Variants in KYAT3 observed in about 807,000 individuals in gnomAD.
The protein encoded by KYAT3 is kynurenine--oxoglutarate transaminase 3.
KYAT3 carries 50 observed loss-of-function variants against 59.0 expected under a neutral mutation model. That is an observed-to-expected ratio of 0.85 (90% CI 0.68 to 1.07). The LOEUF (loss-of-function observed/expected upper bound fraction) is 1.07. KYAT3 is among the 50% of genes least tolerant of loss of function. KYAT3 has a pLI of 0.00. For synonymous variants in KYAT3, 148 were observed against 177.0 expected (o/e 0.84, Z 1.30); for missense variants, 497 against 533.3 (o/e 0.93, Z 0.67).
chr1:88,936,765 T>C (rs1675054833), intron 13 of KYAT3, among the ~76,000 whole-genome samples: 4 of 152,258 alleles, frequency 2.6e-5, no homozygotes, highest in Admixed American at 6.5e-5. Flanking sequence ...AGGTGATTCA[T>C]ACATATAGCA....
chr1:88,927,557 C>T, the KYAT3 span, among the ~76,000 whole-genome samples: 2 of 151,850 alleles, frequency 1.3e-5, no homozygotes, highest in African/African-American at 4.8e-5. Context: ...CCCCCTGACT[C>T]CTTCCCCAAC....
In KYAT3 at chr1:88,988,324, G is replaced by A. The variant is rs1405501689; in HGVS notation, c.27C>T (p.Cys9=). Reference sequence around the variant, plus strand: ...GGAATTTTGCTCTACCGCTAAGAGAGCAGAGGCTCCTCTGGGCCAAAAACA... The same window carrying A: ...GGAATTTTGCTCTACCGCTAAGAGAACAGAGGCTCCTCTGGGCCAAAAACA... The part of the protein sequence containing the change: MFLAQRSL[C]SLSGRAKFLK... Residue 9 remains cysteine, a synonymous_variant, in exon 2 of 14, where the codon TGC becomes TGT. Transcript: ENST00000260508. 6.2e-7 allele frequency: 1 copy of A among 1,613,078 alleles called. No individual in the cohort carries two copies. Among genetic ancestry groups the A allele is most frequent in the Admixed American group, 1.7e-5 (1 of 59,914 alleles).
intron 2 of KYAT3, among the ~76,000 whole-genome samples, chr1:88,974,954 C>T (rs1570820000): frequency 1.3e-5 from 2 of 152,180 alleles, no homozygotes; most frequent in African/African-American, 2.4e-5. Flanking sequence ...AGGCCGGCCA[C>T]GTGAGCCAGC....
the KYAT3 span, among the ~76,000 whole-genome samples, chr1:88,930,208 A>C: frequency 1.3e-5 from 2 of 152,206 alleles, no homozygotes; most frequent in African/African-American, 4.8e-5. Flanking sequence ...TATCTGAAGC[A>C]GTTAAAATGA....
In KYAT3 at chr1:88,949,291, A is replaced by T. The variant is rs1426016665; in HGVS notation, c.955-14T>A. The stretch of plus-strand genomic sequence containing the variant: ...AGCCAAGGCTTCCTGTTTGTTAAGA[A>T]TCAAAAAATATGAAAAGGCATATGG... On this transcript the variant is annotated splice_polypyrimidine_tract_variant and intron_variant, in intron 10 of 13. Coordinates refer to ENST00000260508, the MANE Select transcript of KYAT3 (RefSeq NM_001008661.3). 1.3e-6 allele frequency: 2 copies of T among 1,519,874 alleles called. No individual in the cohort carries two copies. Among genetic ancestry groups the T allele is most frequent in the Non-Finnish European group, 1.8e-6 (2 of 1,138,954 alleles). The allele number at this position is 1,519,874 out of a possible 1,614,324, so 94.1% of individuals were successfully genotyped here.
chr1:88,953,579 A>G (rs1675772719), intron 9 of KYAT3, among the ~76,000 whole-genome samples: 1 of 151,920 alleles, frequency 6.6e-6, no homozygotes, highest in South Asian at 2.1e-4. Flanking sequence ...TCACACTATG[A>G]AAGTAGTACA....
intron 5 of KYAT3, among the ~76,000 whole-genome samples, chr1:88,963,977 C>T (rs765331048): frequency 5.3e-5 from 8 of 152,078 alleles, no homozygotes; most frequent in East Asian, 1.9e-4. Flanking sequence ...CTGAGGCAGG[C>T]GGATCACCTG....
At chr1:88,963,556 T>C (rs1404241564) in intron 5 of KYAT3, among the ~76,000 whole-genome samples, 1 of 152,228 alleles carries the variant, frequency 6.6e-6, no homozygotes. Flanking sequence ...CGTTCTGCAG[T>C]CCCAGCTTAA....
intron 11 of KYAT3, 118 bp from the exon 12 acceptor site, chr1:88,943,541 T>C (rs1675324047): frequency 6.1e-6 from 4 of 652,152 alleles, no homozygotes; most frequent in Non-Finnish European, 1.1e-5. Context: ...GTTTAGAATT[T>C]TCTCAGAACA....
In KYAT3 at chr1:88,943,068, T is replaced by C; in HGVS notation, c.1239A>G (p.Ser413=). Residue 413 remains serine (S), a synonymous_variant, in exon 13 of 14, where the codon TCA becomes TCG. Coordinates refer to ENST00000260508, the MANE Select transcript of KYAT3 (RefSeq NM_001008661.3). ...ATTTAGTCTCTGAGTTACAGAATGC[T>C]GAAACGGGGATGGCTGATAGTTTCT... The part of the protein sequence containing the change: ...KHKKLSAIPV[S]AFCNSETKSQ... 1 of 1,612,696 alleles carries C rather than the reference T, an allele frequency of 6.2e-7. No homozygotes were observed. The highest frequency in any genetic ancestry group is 1.1e-5 in the South Asian group (1 of 90,822).
chr1:88,955,966 A>T (rs1415591863), intron 8 of KYAT3, among the ~76,000 whole-genome samples: 2 of 152,176 alleles, frequency 1.3e-5, no homozygotes, highest in Admixed American at 1.3e-4. Flanking sequence ...ATATCTATAG[A>T]TCTGTGCAAC....
chr1:88,991,435 G>A (rs1469395753), intron 1 of KYAT3, among the ~76,000 whole-genome samples: 1 of 152,212 alleles, frequency 6.6e-6, no homozygotes, highest in Non-Finnish European at 1.5e-5. Flanking sequence ...CGCCCACACT[G>A]TTACAAGAGT....
chr1:88,981,480 G>C (rs1444290675), intron 2 of KYAT3: 1 of 154,454 alleles, frequency 6.5e-6, no homozygotes, highest in African/African-American at 2.4e-5. Context: ...TTTCCATTTG[G>C]TCAATTACTT....
chr1:88,949,080 C>T lies in KYAT3; in HGVS notation c.1141+11G>A. On this transcript the variant is annotated intron_variant, in intron 11 of 13. Coordinates refer to ENST00000260508, the MANE Select transcript of KYAT3 (RefSeq NM_001008661.3). ...TTCCGTATAGTTGAAATAATAAAAG[C>T]CTTTACAAACCTAGCAAAGACACAT... 6.6e-7 allele frequency: 1 copy of T among 1,518,342 alleles called. No individual in the cohort carries two copies. Among genetic ancestry groups the T allele is most frequent in the South Asian group, 1.3e-5 (1 of 75,888 alleles). The allele number at this position is 1,518,342 out of a possible 1,614,324, so 94.1% of individuals were successfully genotyped here.
chr1:88,972,741 G>C (rs1676600681), intron 2 of KYAT3, among the ~76,000 whole-genome samples: 1 of 152,196 alleles, frequency 6.6e-6, no homozygotes, highest in Non-Finnish European at 1.5e-5. Context: ...GTTAGGATGT[G>C]CACACATCAC....
intron 2 of KYAT3, chr1:88,983,143 A>G (rs1227014660): frequency 6.2e-7 from 1 of 1,612,406 alleles, no homozygotes; most frequent in Non-Finnish European, 8.5e-7. Context: ...TTGTATCACG[A>G]GAACTTGGGT....
At chr1:88,965,194 T>G (rs561488396) in intron 4 of KYAT3, among the ~76,000 whole-genome samples, 74 of 152,340 alleles carry the variant, frequency 4.9e-4, no homozygotes, top group African/African-American at 1.6e-3. Flanking sequence ...TGCTAATGAT[T>G]AAAACTTCTT....
the KYAT3 span, among the ~76,000 whole-genome samples, chr1:88,921,334 G>C: frequency 6.6e-6 from 1 of 152,174 alleles, no homozygotes; most frequent in South Asian, 2.1e-4. Flanking sequence ...CCCTCCTTGA[G>C]CACTTTTGAC....
the KYAT3 span, among the ~76,000 whole-genome samples, chr1:88,927,692 G>T: frequency 1.3e-5 from 2 of 152,090 alleles, no homozygotes; most frequent in African/African-American, 4.8e-5. Flanking sequence ...AGGAGAATTC[G>T]GCCCAGCCAG....
Sources: gnomAD v4.1 joint callset for allele counts (sites outside exome capture counted in the v4.1 genomes callset) on GRCh38, gnomAD v4.1.1 for gene constraint, MANE v1.5 for transcripts, NCBI Gene and HGNC (gene_info 2026-07-23, HGNC 2026-07-21) for gene names.